Variants in LIMCH1 observed in about 807,000 individuals in gnomAD.
LIMCH1 encodes LIM and calponin homology domains 1.
A neutral mutation model predicts 176.5 loss-of-function variants in LIMCH1; 113 were observed. That is an observed-to-expected ratio of 0.64 (90% CI 0.55 to 0.75). The LOEUF (loss-of-function observed/expected upper bound fraction) is 0.75. LIMCH1 is among the 30% of genes least tolerant of loss of function. The pLI is 0.00. For synonymous variants in LIMCH1, 619 were observed against 645.9 expected (o/e 0.96, Z 0.63); for missense variants, 1,674 against 1,814.9 (o/e 0.92, Z 1.41).
At chr4:41,531,905 G>A (rs896655954) in intron 3 of LIMCH1, among the ~76,000 whole-genome samples, 21 of 152,164 alleles carry the variant, frequency 1.4e-4, no homozygotes, top group Non-Finnish European at 2.6e-4. Context: ...GTAGCCAAGC[G>A]ATGTTCTGTG....
intron 3 of LIMCH1, among the ~76,000 whole-genome samples, chr4:41,526,894 C>T (rs192947926): frequency 6.6e-6 from 1 of 152,246 alleles, no homozygotes; most frequent in Non-Finnish European, 1.5e-5. Context: ...TGCCCCAGAG[C>T]AGGCCATCCT....
At chr4:41,423,934 G>T (rs2060849233) in intron 1 of LIMCH1, among the ~76,000 whole-genome samples, 1 of 152,018 alleles carries the variant, frequency 6.6e-6, no homozygotes, top group African/African-American at 2.4e-5. Flanking sequence ...AGGCTGCCAG[G>T]GCCAGTCAAT....
intron 1 of LIMCH1, among the ~76,000 whole-genome samples, chr4:41,547,863 G>GTGTGTATATATATATA (rs774873739): frequency 2.1e-5 from 2 of 93,220 alleles, no homozygotes; most frequent in African/African-American, 8.7e-5. Flanking sequence ...TTGTGTGTGT[G>GTGTGTATATATATATA]TATATATATA....
intron 1 of LIMCH1, among the ~76,000 whole-genome samples, chr4:41,560,722 C>CA (rs1188990775): frequency 2.7e-5 from 4 of 150,626 alleles, no homozygotes; most frequent in Non-Finnish European, 4.4e-5. Context: ...CCTGTCTCTA[C>CA]AAAAAAAATA....
At chr4:41,579,258 A>G (rs913106013) in intron 1 of LIMCH1, among the ~76,000 whole-genome samples, 1 of 152,144 alleles carries the variant, frequency 6.6e-6, no homozygotes, top group African/African-American at 2.4e-5. Flanking sequence ...AGGGCTGTTT[A>G]CCACCTCCTG....
At chr4:41,471,117 A>C (rs936379316) in intron 1 of LIMCH1, among the ~76,000 whole-genome samples, 1 of 151,446 alleles carries the variant, frequency 6.6e-6, no homozygotes, top group Non-Finnish European at 1.5e-5. Flanking sequence ...TAAAATAGTC[A>C]TGTGAAAAAT....
Position 41,360,956 on chromosome 4 carries a change from G to C in LIMCH1, c.96+20G>C. On this transcript the variant is annotated intron_variant, in intron 1 of 26. Transcript: ENST00000313860. This position sits in a 1 kb window ranked among gnomAD's most constrained non-coding sequence, Gnocchi z 4.5. The stretch of plus-strand genomic sequence containing the variant: ...ATTGAGGTAGGTGCGGGTGGCTGGC[G>C]GGCGGCCTTGCACTGGCGCCCTGAG... The C allele has an allele frequency of 6.5e-7, 1 of 1,547,586 alleles. No homozygotes were observed. Among genetic ancestry groups the C allele is most frequent in the Non-Finnish European group, 8.7e-7 (1 of 1,147,420 alleles).
chr4:41,400,824 G>T (rs548404012), intron 1 of LIMCH1, among the ~76,000 whole-genome samples: 161 of 152,286 alleles, frequency 1.1e-3, no homozygotes, highest in African/African-American at 3.3e-3. Context: ...ATTTGCAACA[G>T]AAATTTCATA....
intron 4 of LIMCH1, among the ~76,000 whole-genome samples, chr4:41,610,126 C>T (rs373187574): frequency 1.3e-5 from 2 of 152,234 alleles, no homozygotes; most frequent in Admixed American, 6.5e-5. Context: ...GTGAATATAA[C>T]GGCCTCTCTG....
At chr4:41,531,904 C>T (rs189482885) in intron 3 of LIMCH1, among the ~76,000 whole-genome samples, 53 of 152,208 alleles carry the variant, frequency 3.5e-4, no homozygotes, top group Admixed American at 1.1e-3. Context: ...GGTAGCCAAG[C>T]GATGTTCTGT....
rs75404507 is a variant in LIMCH1, at chr4:41,511,455, C to T, written c.168-12954C>T. 2.1e-3 allele frequency among the ~76,000 whole-genome samples: 318 copies of T among 152,358 alleles called. 3 individuals are homozygous for T. The highest frequency in any genetic ancestry group is 3.5e-3 in the Non-Finnish European group (236 of 68,038). On this transcript the variant is annotated intron_variant, in intron 2 of 26. Transcript: ENST00000313860. The stretch of plus-strand genomic sequence containing the variant: ...GTGGAGATGACAACCCTGATTTCAA[C>T]TGCTGTCTCCCTCATTTCTTGTTTG...
At chr4:41,678,816 C>T (rs114796637) in intron 23 of LIMCH1, among the ~76,000 whole-genome samples, 3,010 of 152,128 alleles carry the variant, frequency 0.02, 74 homozygotes, top group African/African-American at 0.056. Context: ...GAGGGGAACA[C>T]GTGATGTAAG....
intron 3 of LIMCH1, among the ~76,000 whole-genome samples, chr4:41,527,640 G>A (rs1193561827): frequency 6.6e-6 from 1 of 152,010 alleles, no homozygotes; most frequent in Non-Finnish European, 1.5e-5. Context: ...TTGCGACCAC[G>A]GTAAAACTCC....
chr4:41,417,152 C>A (rs6447069), intron 1 of LIMCH1, among the ~76,000 whole-genome samples: 1 of 95,766 alleles, frequency 1.0e-5, no homozygotes, highest in East Asian at 2.6e-4. Context: ...GTTATCTATG[C>A]TATAGGCATT....
At chr4:41,514,528 G>A (rs1321401203) in intron 2 of LIMCH1, among the ~76,000 whole-genome samples, 1 of 152,196 alleles carries the variant, frequency 6.6e-6, no homozygotes, top group Non-Finnish European at 1.5e-5. Context: ...TAGGACAAGT[G>A]CAAGGTGGGG....
At chr4:41,486,973 T>TACACACACACACAC (rs1554068488) in intron 1 of LIMCH1, among the ~76,000 whole-genome samples, 8 of 86,812 alleles carry the variant, frequency 9.2e-5, no homozygotes, top group African/African-American at 4.2e-4. Context: ...CACACACACA[T>TACACACACACACAC]ACATACACAC....
intron 2 of LIMCH1, among the ~76,000 whole-genome samples, chr4:41,501,332 T>G (rs916748923): frequency 6.6e-6 from 1 of 152,256 alleles, no homozygotes; most frequent in Non-Finnish European, 1.5e-5. Flanking sequence ...GGAAATGAAT[T>G]CTTAAGTGTT....
intron 1 of LIMCH1, among the ~76,000 whole-genome samples, chr4:41,473,672 A>G (rs1205288198): frequency 6.6e-6 from 1 of 152,256 alleles, no homozygotes; most frequent in Non-Finnish European, 1.5e-5. Context: ...TATGACCCCA[A>G]AGCACAGGCA....
intron 4 of LIMCH1, chr4:41,613,150 G>A (rs1483018926): frequency 7.0e-7 from 1 of 1,427,686 alleles, no homozygotes; most frequent in Non-Finnish European, 9.7e-7. Context: ...GTACTGTTGT[G>A]AATCCAAACT....
Sources: gnomAD v4.1 joint callset for allele counts (sites outside exome capture counted in the v4.1 genomes callset) on GRCh38, gnomAD v4.1.1 for gene constraint, Gnocchi (gnomAD v3.1) non-coding constraint, MANE v1.5 for transcripts, NCBI Gene and HGNC (gene_info 2026-07-23, HGNC 2026-07-21) for gene names.